Variants in RBFOX2 observed in about 807,000 individuals in gnomAD.
The protein encoded by RBFOX2 is RNA binding fox-1 homolog 2, also known as RNA binding protein fox-1 homolog 2.
A neutral mutation model predicts 49.1 loss-of-function variants in RBFOX2; 10 were observed. The ratio of observed to expected loss-of-function variants is 0.20; its 90% CI spans 0.13 to 0.35. The LOEUF (loss-of-function observed/expected upper bound fraction) is 0.35. Ranked by LOEUF, RBFOX2 falls within the 10% of genes least tolerant of loss-of-function variation. The pLI is 1.00. For missense variants in RBFOX2, 323 were observed against 486.9 expected (o/e 0.66, Z 3.17); for synonymous variants, 183 against 187.4 (o/e 0.98, Z 0.19).
intron 9 of RBFOX2, chr22:35,748,455 A>C (rs1933636529): frequency 6.6e-6 from 1 of 152,130 alleles, no homozygotes; most frequent in Non-Finnish European, 1.5e-5. Context: ...CAACATAATT[A>C]AACTAACTAA....
chr22:35,863,975 A>G (rs1455801585), intron 1 of RBFOX2, among the ~76,000 whole-genome samples: 3 of 152,192 alleles, frequency 2.0e-5, no homozygotes, highest in African/African-American at 7.2e-5. Flanking sequence ...TCCCATTTAT[A>G]CAATTAGATC....
Position 35,884,000 on chromosome 22 carries a change from C to CTTTT in RBFOX2, c.-34+54843_-34+54846dup, listed in dbSNP as rs34644201. 6.2e-4 allele frequency among the ~76,000 whole-genome samples: 39 copies of CTTTT among 62,678 alleles called. 1 individual carries two copies. Among genetic ancestry groups the CTTTT allele is most frequent in the African/African-American group, 7.6e-4 (12 of 15,778 alleles). 41.1% of individuals were successfully genotyped at this position (62,678 alleles called of 152,430 possible). On this transcript the variant is annotated intron_variant, in intron 1 of 13. Coordinates refer to the RBFOX2 transcript ENST00000359369. ...TTGGTACCAAAATCTGTAGTTATCT[C>CTTTT]TTTTTTTTTTTTTTTTTTTTTTTTT... is the stretch of plus-strand genomic sequence containing the variant.
intron 2 of RBFOX2, among the ~76,000 whole-genome samples, chr22:35,801,464 CTCT>C: frequency 6.6e-6 from 1 of 151,920 alleles, no homozygotes; most frequent in Admixed American, 6.6e-5. Flanking sequence ...CTCTCTCTCT[CTCT>C]CCCTCCCCCC....
chr22:35,931,679 G>GC (rs2052423721), intron 1 of RBFOX2, among the ~76,000 whole-genome samples: 1 of 152,286 alleles, frequency 6.6e-6, no homozygotes, highest in East Asian at 1.9e-4. Flanking sequence ...GGAGGCTGAG[G>GC]TAGGAGGACC....
chr22:36,010,627 C>T (rs1412092320), intron 1 of RBFOX2, among the ~76,000 whole-genome samples: 2 of 151,974 alleles, frequency 1.3e-5, no homozygotes, highest in Non-Finnish European at 2.9e-5. Context: ...CATTTTATTT[C>T]ATATCTTTAA....
intron 1 of RBFOX2, chr22:35,897,686 C>G: frequency 8.4e-7 from 1 of 1,195,448 alleles, no homozygotes; most frequent in Non-Finnish European, 1.2e-6. Flanking sequence ...ACGACGTATA[C>G]TGGTTGTTTA....
intron 1 of RBFOX2, among the ~76,000 whole-genome samples, chr22:35,972,434 CAA>C (rs386395333): frequency 2.9e-5 from 4 of 139,412 alleles, no homozygotes; most frequent in Non-Finnish European, 1.6e-5. Flanking sequence ...AATGCTTCCT[CAA>C]AAAAAAAAAA....
At chr22:35,911,928 G>C (rs2149517980) in intron 1 of RBFOX2, among the ~76,000 whole-genome samples, 1 of 152,108 alleles carries the variant, frequency 6.6e-6, no homozygotes, top group East Asian at 1.9e-4. Context: ...AACAACATTT[G>C]CTGGTCTTGG....
intron 1 of RBFOX2, among the ~76,000 whole-genome samples, chr22:35,813,641 G>A (rs867710982): frequency 3.3e-5 from 5 of 152,118 alleles, no homozygotes; most frequent in Admixed American, 6.5e-5. Context: ...CTTAGCAAAC[G>A]TAAATATGTA....
intron 1 of RBFOX2, among the ~76,000 whole-genome samples, chr22:35,983,964 T>C (rs577855721): frequency 6.6e-6 from 1 of 152,188 alleles, no homozygotes; most frequent in Non-Finnish European, 1.5e-5. Context: ...CTAAAAATCA[T>C]ACATTTCTAA....
chr22:35,806,034 T>A (rs1308083606), intron 2 of RBFOX2, among the ~76,000 whole-genome samples: 1 of 152,216 alleles, frequency 6.6e-6, no homozygotes, highest in East Asian at 1.9e-4. Flanking sequence ...ACAGTGAAAT[T>A]ACTTTTTGTG....
intron 1 of RBFOX2, among the ~76,000 whole-genome samples, chr22:35,920,841 T>A (rs1265226217): frequency 6.6e-6 from 1 of 152,188 alleles, no homozygotes; most frequent in African/African-American, 2.4e-5. Flanking sequence ...ATGATTGACA[T>A]CTGGTAAGGA....
At chr22:35,867,118 AG>A (rs1303199881) in intron 1 of RBFOX2, among the ~76,000 whole-genome samples, 2 of 152,324 alleles carry the variant, frequency 1.3e-5, no homozygotes, top group East Asian at 3.9e-4. Context: ...CAAATGGTTC[AG>A]AAAAAAAGAG....
chr22:35,884,924 C>T (rs2046379080), intron 1 of RBFOX2, among the ~76,000 whole-genome samples: 1 of 152,054 alleles, frequency 6.6e-6, no homozygotes, highest in African/African-American at 2.4e-5. Context: ...AAGCATCAGA[C>T]CCAGTGCCTC....
chr22:35,895,156 C>T (rs1195936391), intron 1 of RBFOX2, among the ~76,000 whole-genome samples: 1 of 152,024 alleles, frequency 6.6e-6, no homozygotes. Flanking sequence ...ACAGCACACT[C>T]TCTCTGTATT....
chr22:35,889,684 T>C (rs2047016782), intron 1 of RBFOX2, among the ~76,000 whole-genome samples: 3 of 152,180 alleles, frequency 2.0e-5, no homozygotes, highest in African/African-American at 7.2e-5. Flanking sequence ...GGCTTTTCAC[T>C]GTCAAGTACG....
chr22:36,025,535 G>A (rs966324272), intron 1 of RBFOX2, among the ~76,000 whole-genome samples: 1 of 151,982 alleles, frequency 6.6e-6, no homozygotes, highest in Non-Finnish European at 1.5e-5. Flanking sequence ...TATCTCTTAG[G>A]GTTAAAACAG....
chr22:35,761,451 C>T, exon 7 of RBFOX2: 5 of 1,614,140 alleles, frequency 3.1e-6, no homozygotes, highest in Non-Finnish European at 4.2e-6. Flanking sequence ...GCTCCAACTA[C>T]TGGGCTTAAT....
At chr22:35,760,546 T>C (rs1338459339) in intron 8 of RBFOX2, among the ~76,000 whole-genome samples, 1 of 152,248 alleles carries the variant, frequency 6.6e-6, no homozygotes, top group Non-Finnish European at 1.5e-5. Context: ...TTCATTTCAT[T>C]AGTCAATTTC....
Sources: gnomAD v4.1 joint callset for allele counts (sites outside exome capture counted in the v4.1 genomes callset) on GRCh38, gnomAD v4.1.1 for gene constraint, MANE v1.5 for transcripts, NCBI Gene and HGNC (gene_info 2026-07-23, HGNC 2026-07-21) for gene names.